Variants in CACNA2D3 observed in about 807,000 individuals in gnomAD.
CACNA2D3 encodes the protein voltage-dependent calcium channel subunit alpha-2/delta-3.
CACNA2D3 carries 60 observed loss-of-function variants against 160.6 expected under a neutral mutation model. The ratio of observed to expected loss-of-function variants is 0.37; its 90% CI spans 0.30 to 0.46. The LOEUF (loss-of-function observed/expected upper bound fraction) is 0.46. Among genes scored for constraint, CACNA2D3 ranks in the 20% least tolerant of loss-of-function variants. The probability of loss-of-function intolerance (pLI) is 1.00; values close to 1 mark genes in which losing one functional copy is unlikely to be tolerated. For synonymous variants in CACNA2D3, 558 were observed against 492.9 expected, an observed-to-expected ratio of 1.13 and a Z score of -1.75; for missense variants, 1,205 against 1,365.0, an observed-to-expected ratio of 0.88 and a Z score of 1.85.
At chr3:54,863,117 C>A (rs1005978337) in intron 17 of CACNA2D3, among the ~76,000 whole-genome samples, 1 of 152,318 alleles carries the variant, frequency 6.6e-6, no homozygotes, top group South Asian at 2.1e-4. Flanking sequence ...TTTCTGAAAA[C>A]TTTTATGAAC....
At chr3:54,149,927 C>G (rs1342374518) in intron 2 of CACNA2D3, among the ~76,000 whole-genome samples, 1 of 66,340 alleles carries the variant, frequency 1.5e-5, no homozygotes, top group African/African-American at 6.8e-5. Flanking sequence ...CTCTCTCTCT[C>G]TCTCCCTCCC....
At chr3:54,759,808 G>T (rs1702046741) in intron 12 of CACNA2D3, among the ~76,000 whole-genome samples, 1 of 152,182 alleles carries the variant, frequency 6.6e-6, no homozygotes, top group Non-Finnish European at 1.5e-5. Flanking sequence ...CTGCTCTCCT[G>T]TCCCTTCCCA....
chr3:54,785,634 G>A (rs1159836459), intron 13 of CACNA2D3, among the ~76,000 whole-genome samples: 1 of 152,144 alleles, frequency 6.6e-6, no homozygotes, highest in Non-Finnish European at 1.5e-5. Flanking sequence ...AAATTGAGAA[G>A]CCAACAAGCC....
chr3:54,636,861 G>A lies in CACNA2D3; in HGVS notation c.1054-5267G>A, dbSNP rs9812958. Among the ~76,000 whole-genome samples the A allele has an allele frequency of 7.4e-3, 1,126 of 152,120 alleles. 30 individuals are homozygous for A. The highest frequency in any genetic ancestry group is 0.026 in the African/African-American group (1,079 of 41,390). ...TGGGGGCTGTCTGTGAAGCCTTGTG[G>A]CAGTACAGCCCAGGTAATTTGCTGA... On this transcript the variant is annotated intron_variant, in intron 10 of 37. Transcript: ENST00000474759.
intron 17 of CACNA2D3, among the ~76,000 whole-genome samples, chr3:54,857,399 C>T (rs1414399014): frequency 2.0e-5 from 3 of 152,178 alleles, no homozygotes; most frequent in Non-Finnish European, 4.4e-5. Flanking sequence ...TCTCTGGCTT[C>T]TGTAGTCATC....
In CACNA2D3 at chr3:54,896,767, C is replaced by T. The variant is rs17054524; in HGVS notation, c.2265C>T (p.Gly755=). 215,956 of 1,613,660 alleles carry T rather than the reference C, an allele frequency of 0.13. 15,065 individuals carry two copies. The highest frequency in any genetic ancestry group is 0.18 in the Middle Eastern group (1,087 of 6,062). Residue 755 remains glycine (G), a synonymous_variant, in exon 26 of 38, where the codon GGC becomes GGT. Transcript: ENST00000474759. ...QLTNQDFLKA[G]DKENIFNADH... is the part of the protein sequence containing the mutation. Reference sequence around the variant, plus strand: ...CTTCAAGGGACTTCCTGAAAGCTGGCGACAAGGAGAACATTTTTAACGCAG... The same window carrying T: ...CTTCAAGGGACTTCCTGAAAGCTGGTGACAAGGAGAACATTTTTAACGCAG...
intron 35 of CACNA2D3, among the ~76,000 whole-genome samples, chr3:55,063,082 G>A (rs1704552175): frequency 6.6e-6 from 1 of 152,194 alleles, no homozygotes; most frequent in Non-Finnish European, 1.5e-5. Context: ...CCTTTGAGAA[G>A]GACGGCTTAA....
intron 13 of CACNA2D3, among the ~76,000 whole-genome samples, chr3:54,803,145 C>A (rs1703034269): frequency 6.6e-6 from 1 of 152,142 alleles, no homozygotes; most frequent in South Asian, 2.1e-4. Flanking sequence ...CTCTAAAAAG[C>A]AGAGCGCCTC....
At chr3:54,329,504 C>T (rs1056723282) in intron 3 of CACNA2D3, among the ~76,000 whole-genome samples, 7 of 152,176 alleles carry the variant, frequency 4.6e-5, no homozygotes, top group Non-Finnish European at 1.0e-4. Context: ...CCTCCACTGT[C>T]GGCTCCAAGC....
chr3:54,574,678 C>A lies in CACNA2D3; in HGVS notation c.888+4574C>A, dbSNP rs554947319. 6.6e-5 allele frequency among the ~76,000 whole-genome samples: 10 copies of A among 152,300 alleles called. No homozygotes were observed. The South Asian group carries it at 2.1e-3, about 32-fold the overall frequency. On this transcript the variant is annotated intron_variant, in intron 8 of 37. Transcript: ENST00000474759. Reference sequence around the variant, plus strand: ...TCTGATTCACTTTGAAGTCTAACTTCAAGCCATGCATTAAATTAACAATAT... The same window carrying A: ...TCTGATTCACTTTGAAGTCTAACTTAAAGCCATGCATTAAATTAACAATAT...
At chr3:54,900,736 A>C (rs1487802590) in intron 27 of CACNA2D3, among the ~76,000 whole-genome samples, 1 of 152,254 alleles carries the variant, frequency 6.6e-6, no homozygotes, top group Non-Finnish European at 1.5e-5. Flanking sequence ...CTTAACATCC[A>C]CTTCTGTGTC....
At chr3:54,790,076 C>T (rs528849458) in intron 13 of CACNA2D3, among the ~76,000 whole-genome samples, 10 of 152,158 alleles carry the variant, frequency 6.6e-5, no homozygotes, top group South Asian at 2.1e-4. Flanking sequence ...ATTACACTTT[C>T]CTGGCTGGAG....
intron 9 of CACNA2D3, among the ~76,000 whole-genome samples, chr3:54,620,090 G>A (rs1698949701): frequency 6.6e-6 from 1 of 152,198 alleles, no homozygotes; most frequent in Non-Finnish European, 1.5e-5. Flanking sequence ...GAGCACAGTA[G>A]TAGTGGGACC....
chr3:54,770,785 A>G (rs1702306521), intron 13 of CACNA2D3, among the ~76,000 whole-genome samples: 2 of 152,232 alleles, frequency 1.3e-5, no homozygotes, highest in African/African-American at 4.8e-5. Flanking sequence ...TAATTTTATC[A>G]TAATTGTATA....
chr3:54,528,649 AAC>A (rs1449252562), intron 5 of CACNA2D3, among the ~76,000 whole-genome samples: 1 of 152,176 alleles, frequency 6.6e-6, no homozygotes, highest in Admixed American at 6.5e-5. Context: ...TGGCTGGGCA[AAC>A]ACACGTTTTT....
chr3:54,248,139 G>A (rs1004388758), intron 2 of CACNA2D3, among the ~76,000 whole-genome samples: 13 of 152,118 alleles, frequency 8.5e-5, no homozygotes, highest in African/African-American at 2.9e-4. Flanking sequence ...TGTGGAGATA[G>A]GGTCTTTTAG....
intron 2 of CACNA2D3, among the ~76,000 whole-genome samples, chr3:54,172,968 T>A (rs918665046): frequency 6.6e-6 from 1 of 152,170 alleles, no homozygotes; most frequent in African/African-American, 2.4e-5. Context: ...TGACCAGCTA[T>A]CCTGGTTTGC....
intron 9 of CACNA2D3, among the ~76,000 whole-genome samples, chr3:54,620,925 T>C (rs1221553094): frequency 6.6e-6 from 1 of 152,260 alleles, no homozygotes; most frequent in African/African-American, 2.4e-5. Context: ...TAGCATACAG[T>C]TGTCACTTTG....
At chr3:54,836,774 T>G (rs1698700432) in intron 14 of CACNA2D3, among the ~76,000 whole-genome samples, 1 of 152,092 alleles carries the variant, frequency 6.6e-6, no homozygotes, top group South Asian at 2.1e-4. Context: ...TGCTTTCTGA[T>G]CCTCAATATT....
Sources: allele counts gnomAD v4.1 joint callset (sites outside exome capture counted in the v4.1 genomes callset), GRCh38; gene constraint gnomAD v4.1.1; transcripts MANE v1.5; gene names NCBI Gene and HGNC (gene_info 2026-07-23, HGNC 2026-07-21).